The following TAF1 variants were observed in gnomAD, a reference collection of about 807,000 sequenced individuals.
The protein encoded by TAF1 is transcription initiation factor TFIID subunit 1.
A neutral mutation model predicts 138.5 loss-of-function variants in TAF1; 2 were observed. The ratio of observed to expected loss-of-function variants is 0.01; its 90% confidence interval spans 0.01 to 0.05. The LOEUF (loss-of-function observed/expected upper bound fraction) is 0.05, where lower values mean the gene tolerates loss of function less well. TAF1 is among the 10% of genes least tolerant of loss of function. The probability of loss-of-function intolerance (pLI) is 1.00; values close to 1 mark genes in which losing one functional copy is unlikely to be tolerated. For synonymous variants in TAF1, 437 were observed against 503.2 expected, an observed-to-expected ratio of 0.87 and a Z score of 1.76; for missense variants, 709 against 1,478.0, an observed-to-expected ratio of 0.48 and a Z score of 8.53.
At chrX:71,430,049 G>T (rs924665553) in intron 32 of TAF1, among the ~76,000 whole-genome samples, 4 of 111,694 alleles carry the variant, frequency 3.6e-5, no homozygotes, top group Non-Finnish European at 5.6e-5. Flanking sequence ...AAAACATGGA[G>T]TATTCTAAAT....
intron 15 of TAF1, 103 bp from the exon 16 acceptor site, chrX:71,388,134 C>G (rs763710015): frequency 9.2e-7 from 1 of 1,086,301 alleles, no homozygotes; most frequent in Admixed American, 3.2e-5. Flanking sequence ...GGGAGCACAT[C>G]GGGAAAGATG....
intron 13 of TAF1, among the ~76,000 whole-genome samples, chrX:71,508,086 C>CTCTCTCTCTCTCTATATATATATATA (rs4040068): frequency 7.6e-5 from 7 of 92,181 alleles, no homozygotes; most frequent in African/African-American, 2.6e-4. Context: ...CTCTCTCTCT[C>CTCTCTCTCTCTCTATATATATATATA]TATATATATA....
rs768972939 is a variant in TAF1, at chrX:71,378,941, C to T, written c.1270C>T (p.His424Tyr). The T allele has an allele frequency of 3.4e-5, 41 of 1,208,299 alleles. No homozygotes were observed. Among genetic ancestry groups the T allele is most frequent in the African/African-American group, 5.3e-5 (3 of 56,534 alleles). ...DIIWDGEDVK[H>Y]KGTKPQRASL... is the part of the protein sequence containing the mutation. ...CATCTGGGATGGGGAGGATGTCAAA[C>T]ACAAAGGGACAAAACCTCAGCGTGC... Residue 424 changes from histidine (H) to tyrosine (Y), a missense_variant, in exon 8 of 38, where the codon CAC becomes TAC. Physicochemically the swap from His to Tyr is moderately conservative, Grantham distance 83. This residue lies in a region of TAF1 where 201 missense variants were observed against 421.3 expected (regional missense o/e 0.48). Transcript: ENST00000423759.
At chrX:71,400,478 A>C (rs2035118590) in intron 24 of TAF1, among the ~76,000 whole-genome samples, 1 of 112,120 alleles carries the variant, frequency 8.9e-6, no homozygotes, top group Admixed American at 9.5e-5. Flanking sequence ...AATATTGTAC[A>C]TATTAAAAGA....
chrX:71,451,032 A>G (rs773677939), intron 32 of TAF1, among the ~76,000 whole-genome samples: 1 of 112,491 alleles, frequency 8.9e-6, no homozygotes, highest in African/African-American at 3.2e-5. Flanking sequence ...AAGCCAGACA[A>G]TTTAGGTTTT....
At chrX:71,449,859 ACCT>A (rs1192061576) in intron 32 of TAF1, among the ~76,000 whole-genome samples, 5 of 109,669 alleles carry the variant, frequency 4.6e-5, no homozygotes, top group Non-Finnish European at 9.6e-5. Flanking sequence ...TGCAGCCTCA[ACCT>A]CCTGGGCTCA....
chrX:71,408,743 C>G lies in TAF1; in HGVS notation c.4384+592C>G, dbSNP rs186471160. On this transcript the variant is annotated intron_variant, in intron 28 of 37. Coordinates refer to ENST00000423759, the MANE Select transcript of TAF1 (RefSeq NM_004606.5). ...TAGGTTAGTACAAAAGAGAGACATT[C>G]GGCTGGGCGCGGTGGCTCACGCCTG... Among the ~76,000 whole-genome samples the G allele has an allele frequency of 2.3e-3, 244 of 106,136 alleles. 5 individuals carry two copies. The highest frequency in any genetic ancestry group is 2.2e-3 in the East Asian group (6 of 2,776). The allele number at this position is 106,136 out of a possible 115,157, so 92.2% of individuals were successfully genotyped here. A position where few individuals can be genotyped will look rare whatever the true frequency, so the allele number is the denominator to read the frequency against.
chrX:71,458,042 A>G (rs763536909), intron 34 of TAF1, among the ~76,000 whole-genome samples, 199 bp from the exon 35 acceptor site: 2 of 112,873 alleles, frequency 1.8e-5, no homozygotes, highest in Non-Finnish European at 3.7e-5. Context: ...GATTACGTGC[A>G]TCAGGCACCT....
chrX:71,483,486 C>A (rs1173273085), intron 13 of TAF1, among the ~76,000 whole-genome samples: 1 of 103,961 alleles, frequency 9.6e-6, no homozygotes, highest in Non-Finnish European at 2.0e-5. Context: ...ACTCAGGAGG[C>A]GGAGGTGGGA....
At chrX:71,443,613 A>G (rs1052265794) in intron 32 of TAF1, among the ~76,000 whole-genome samples, 4 of 111,890 alleles carry the variant, frequency 3.6e-5, no homozygotes. Context: ...TGCAAACAGG[A>G]ACAATTTGAC....
intron 32 of TAF1, among the ~76,000 whole-genome samples, chrX:71,449,158 A>G (rs754995973): frequency 3.3e-4 from 37 of 111,906 alleles, no homozygotes; most frequent in African/African-American, 1.1e-3. Context: ...ACGCCTGGCT[A>G]ATTTTGTACT....
At chrX:71,529,503 A>AG in intron 14 of TAF1, 1 of 230,150 alleles carries the variant, frequency 4.3e-6, no homozygotes, top group Non-Finnish European at 8.0e-6. Context: ...CCAGAAGTCC[A>AG]GCTGGCTTCA....
chrX:71,474,154 AAGAG>A (rs760729685), intron 13 of TAF1, among the ~76,000 whole-genome samples: 1,628 of 107,080 alleles, frequency 0.015, 11 homozygotes, highest in Middle Eastern at 0.038. Flanking sequence ...AAAAGAAAGA[AAGAG>A]AGAGAGAGAG....
intron 15 of TAF1, 138 bp downstream of exon 15, chrX:71,387,599 G>A: frequency 1.5e-6 from 1 of 661,481 alleles, no homozygotes; most frequent in Non-Finnish European, 2.3e-6. Context: ...AGGAGTTCGA[G>A]ACCAGCCTGA....
At chrX:71,387,545 TC>T in intron 15 of TAF1, 84 bp downstream of exon 15, 1 of 1,101,028 alleles carries the variant, frequency 9.1e-7, no homozygotes, top group Non-Finnish European at 1.2e-6. Flanking sequence ...ATGGCTGTAA[TC>T]CCAGCACTTT....
chrX:71,375,192 T>A lies in TAF1; in HGVS notation c.378T>A (p.Ala126=), dbSNP rs1226732853. 1.6e-5 allele frequency: 19 copies of A among 1,208,781 alleles called. No homozygotes were observed. The highest frequency in any genetic ancestry group is 1.9e-5 in the Non-Finnish European group (17 of 894,845). ...ATTATGATGAAGATGACTATGATGC[T>A]GATTGTGAAGACATTGATTGCAAGT... The part of the protein sequence containing the change: ...HSDYDEDDYD[A]DCEDIDCKLM... The change falls in exon 4 of 38, where the codon GCT becomes GCA. Residue 126 remains alanine (A), a synonymous_variant. Coordinates refer to ENST00000423759, the MANE Select transcript of TAF1 (RefSeq NM_004606.5).
intron 13 of TAF1, among the ~76,000 whole-genome samples, chrX:71,517,778 A>ATTGTTTT (rs1306908184): frequency 8.9e-6 from 1 of 111,739 alleles, no homozygotes; most frequent in Non-Finnish European, 1.9e-5. Context: ...AGGGGGGTTT[A>ATTGTTTT]TTGTTTTTTA....
chrX:71,388,513 C>A, intron 16 of TAF1, 135 bp downstream of exon 16: 1 of 997,580 alleles, frequency 1.0e-6, no homozygotes, highest in Non-Finnish European at 1.3e-6. Context: ...GATCTTCTAA[C>A]ACTCTGGTTG....
chrX:71,475,515 G>A (rs184679316), intron 13 of TAF1, among the ~76,000 whole-genome samples: 1,551 of 106,353 alleles, frequency 0.015, 27 homozygotes, highest in African/African-American at 0.052. Context: ...AGCCCGGGAG[G>A]TAGAGGTTAC....
Sources: gnomAD v4.1 joint callset for allele counts (sites outside exome capture counted in the v4.1 genomes callset) on GRCh38, gnomAD v4.1.1 for gene constraint, gnomAD v4.1.1 regional missense constraint, MANE v1.5 for transcripts, NCBI Gene and HGNC (gene_info 2026-07-23, HGNC 2026-07-21) for gene names.